Variants in RABGAP1L observed in about 807,000 individuals in gnomAD.
RABGAP1L encodes rab GTPase-activating protein 1-like.
In RABGAP1L, 63 loss-of-function variants were observed where a neutral mutation model predicts 137.7. The ratio of observed to expected loss-of-function variants is 0.46; its 90% CI spans 0.37 to 0.56. RABGAP1L has a LOEUF of 0.56. RABGAP1L is among the 20% of genes least tolerant of loss of function. The pLI is 0.00. For missense variants in RABGAP1L, 1,095 were observed against 1,244.0 expected (o/e 0.88, Z 1.80); for synonymous variants, 431 against 433.7 (o/e 0.99, Z 0.08).
chr1:174,665,067 C>A (rs1676681757), intron 14 of RABGAP1L, among the ~76,000 whole-genome samples: 1 of 152,036 alleles, frequency 6.6e-6, no homozygotes, highest in Non-Finnish European at 1.5e-5. Context: ...TCTTTAAAGT[C>A]ATTTTTCTGA....
chr1:174,449,276 C>A, intron 13 of RABGAP1L: 1 of 1,238,704 alleles, frequency 8.1e-7, no homozygotes, highest in African/African-American at 1.5e-5. Context: ...AATTTGCCAT[C>A]AGAGAAATAT....
At position 174,660,344 on chromosome 1, in the gene RABGAP1L, T is replaced by G. The variant is rs369529648; in HGVS notation, c.1824+22856T>G. ...GGCTCCTGTTCTTCATGTAAGAAACTATTCCAGGCCCAAGGCATATTCTTT... is the reference window on the plus strand; with the variant it reads ...GGCTCCTGTTCTTCATGTAAGAAACGATTCCAGGCCCAAGGCATATTCTTT... On this transcript the variant is annotated intron_variant, in intron 14 of 25. Transcript: ENST00000681986. Among the ~76,000 whole-genome samples, 3 of 152,308 alleles carry G rather than the reference T, an allele frequency of 2.0e-5. No individual in the cohort carries two copies. In the East Asian group the frequency reaches 5.8e-4, roughly 29 times the overall value.
At chr1:174,348,440 T>A (rs532666983) in intron 11 of RABGAP1L, among the ~76,000 whole-genome samples, 34 of 147,102 alleles carry the variant, frequency 2.3e-4, no homozygotes, top group Admixed American at 1.3e-3. Flanking sequence ...TCTATTTATT[T>A]TTTATTTATT....
chr1:174,220,763 C>A, intron 2 of RABGAP1L: 1 of 370,150 alleles, frequency 2.7e-6, no homozygotes, highest in Non-Finnish European at 4.7e-6. Context: ...TATAAAGAAT[C>A]CTTTTGTGAA....
At chr1:174,778,941 A>G (rs1357044452) in intron 18 of RABGAP1L, among the ~76,000 whole-genome samples, 1 of 152,140 alleles carries the variant, frequency 6.6e-6, no homozygotes, top group Admixed American at 6.6e-5. Context: ...GAAGTCGTAA[A>G]TACACTTTTC....
At chr1:174,767,584 C>A (rs937274459) in intron 18 of RABGAP1L, among the ~76,000 whole-genome samples, 7 of 150,608 alleles carry the variant, frequency 4.6e-5, no homozygotes, top group African/African-American at 1.7e-4. Context: ...AGTGCAGTGG[C>A]GCAATCTCGG....
chr1:174,913,798 T>C (rs1660425707), intron 19 of RABGAP1L, among the ~76,000 whole-genome samples: 1 of 152,236 alleles, frequency 6.6e-6, no homozygotes, highest in African/African-American at 2.4e-5. Context: ...TAGTGCTGTG[T>C]TAATGCCAGT....
chr1:174,539,840 T>C (rs1179307201), intron 13 of RABGAP1L, among the ~76,000 whole-genome samples: 2 of 152,256 alleles, frequency 1.3e-5, no homozygotes, highest in African/African-American at 4.8e-5. Context: ...ATGGTATTTC[T>C]AGTTCTAGAT....
At chr1:174,287,734 C>G (rs529162772) in intron 10 of RABGAP1L, among the ~76,000 whole-genome samples, 1 of 152,288 alleles carries the variant, frequency 6.6e-6, no homozygotes, top group South Asian at 2.1e-4. Flanking sequence ...CTCAAGTAAT[C>G]TGCCCGCCTC....
intron 13 of RABGAP1L, among the ~76,000 whole-genome samples, chr1:174,603,433 CA>C (rs1670559805): frequency 6.6e-6 from 1 of 151,994 alleles, no homozygotes; most frequent in Non-Finnish European, 1.5e-5. Flanking sequence ...GGGTCTTGTC[CA>C]AATCCGGAGG....
chr1:174,235,400 G>C (rs1228552520), intron 4 of RABGAP1L, among the ~76,000 whole-genome samples: 1 of 83,210 alleles, frequency 1.2e-5, no homozygotes, highest in Non-Finnish European at 2.3e-5. Context: ...TATTGGCTGT[G>C]GGTTTGTCAT....
At chr1:174,605,668 A>G (rs931016082) in intron 13 of RABGAP1L, among the ~76,000 whole-genome samples, 11 of 152,216 alleles carry the variant, frequency 7.2e-5, no homozygotes, top group African/African-American at 2.7e-4. Context: ...TTTAATTTTT[A>G]GTCAGATCTA....
intron 19 of RABGAP1L, among the ~76,000 whole-genome samples, chr1:174,926,409 C>T (rs1014105450): frequency 3.3e-5 from 5 of 152,154 alleles, no homozygotes; most frequent in South Asian, 2.1e-4. Context: ...TCTCCCCATC[C>T]GTTTTATTTA....
At chr1:174,583,112 G>GA (rs913746105) in intron 13 of RABGAP1L, among the ~76,000 whole-genome samples, 10 of 152,026 alleles carry the variant, frequency 6.6e-5, no homozygotes, top group Non-Finnish European at 1.2e-4. Context: ...AGTCATTAAG[G>GA]AAAAAATGAC....
intron 13 of RABGAP1L, among the ~76,000 whole-genome samples, chr1:174,434,520 T>C (rs980332417): frequency 3.9e-5 from 6 of 152,178 alleles, no homozygotes; most frequent in Non-Finnish European, 8.8e-5. Flanking sequence ...GATTTTCTTT[T>C]AATGTCATAA....
chr1:174,184,039 G>T (rs946800704), intron 1 of RABGAP1L, among the ~76,000 whole-genome samples: 2 of 150,040 alleles, frequency 1.3e-5, no homozygotes, highest in Non-Finnish European at 3.0e-5. Context: ...CTAATTTTTT[G>T]TTTTTTTTTA....
rs200986598 is a variant in RABGAP1L, at chr1:174,394,165, A to G, written c.1710+20A>G. The G allele has an allele frequency of 7.8e-5, 125 of 1,605,794 alleles. No homozygotes were observed. The highest frequency in any genetic ancestry group is 1.7e-4 in the Admixed American group (10 of 58,734). ...ACAAAGGTAGGAAGAAGTTCTTTTC[A>G]TATTATTTTCATTGGATGACCTATT... On this transcript the variant is annotated intron_variant, in intron 13 of 25. Coordinates refer to ENST00000681986, the MANE Select transcript of RABGAP1L (RefSeq NM_001366446.1).
chr1:174,461,219 GA>G (rs1656651066), intron 13 of RABGAP1L, among the ~76,000 whole-genome samples: 4 of 152,138 alleles, frequency 2.6e-5, no homozygotes, highest in African/African-American at 9.7e-5. Context: ...CAAGGTAGGG[GA>G]GGATATGTTC....
At chr1:174,475,675 G>A (rs931878574) in intron 13 of RABGAP1L, among the ~76,000 whole-genome samples, 2 of 151,292 alleles carry the variant, frequency 1.3e-5, no homozygotes, top group Non-Finnish European at 2.9e-5. Flanking sequence ...GGAGGCTGAG[G>A]TGGGAAGATC....
Sources: allele counts gnomAD v4.1 joint callset (sites outside exome capture counted in the v4.1 genomes callset), GRCh38; gene constraint gnomAD v4.1.1; transcripts MANE v1.5; gene names NCBI Gene and HGNC (gene_info 2026-07-23, HGNC 2026-07-21).